The following VPS13C variants were observed in gnomAD, a reference collection of about 807,000 sequenced individuals.
VPS13C encodes the protein vacuolar protein sorting 13 homolog C.
VPS13C carries 358 observed loss-of-function variants against 456.8 expected under a neutral mutation model. The observed-to-expected ratio is 0.78, with a 90% CI of 0.72 to 0.86. The LOEUF (loss-of-function observed/expected upper bound fraction) is 0.86. VPS13C is among the 40% of genes least tolerant of loss of function. VPS13C has a pLI of 0.00. For synonymous variants in VPS13C, 1,578 were observed against 1,486.7 expected (o/e 1.06, Z -1.41); for missense variants, 4,818 against 4,385.4 (o/e 1.10, Z -2.79).
chr15:61,922,741 T>C lies in VPS13C; in HGVS notation c.6631A>G (p.Thr2211Ala). 1.3e-6 allele frequency: 2 copies of C among 1,590,502 alleles called. No homozygotes were observed. The highest frequency in any genetic ancestry group is 1.7e-6 in the Non-Finnish European group (2 of 1,172,166). ...AATGCAGCCATGATTGTCAACACAG[T>C]ATTAAGAATTATGGGTGAAATCTTT... ...IIKISPIILN[T>A]VLTIMAALSP... Residue 2211 changes from threonine (T) to alanine (A), a missense_variant, in exon 54 of 85, where the codon ACT becomes GCT. Thr to Ala is a moderately conservative substitution (Grantham distance 58). Coordinates refer to ENST00000644861, the MANE Select transcript of VPS13C (RefSeq NM_020821.3).
chr15:62,001,320 A>G (rs2046605190), intron 15 of VPS13C, among the ~76,000 whole-genome samples: 1 of 152,236 alleles, frequency 6.6e-6, no homozygotes, highest in Non-Finnish European at 1.5e-5. Flanking sequence ...TCTGACGCCA[A>G]TAACTACGCT....
chr15:62,012,562 C>T (rs2047083626), intron 11 of VPS13C, among the ~76,000 whole-genome samples: 1 of 151,866 alleles, frequency 6.6e-6, no homozygotes, highest in Non-Finnish European at 1.5e-5. Flanking sequence ...ATTGTTCTTT[C>T]TTTAATCTCT....
chr15:61,991,843 C>T lies in VPS13C; in HGVS notation c.1354-41G>A, dbSNP rs755291774. On this transcript the variant is annotated intron_variant, in intron 16 of 84. Transcript: ENST00000644861. ...TAAAAAATTTACTTTAAGAATGTTGCCCTCTTCATTTTCAGGTGTAGCCTG... is the reference window on the plus strand; with the variant it reads ...TAAAAAATTTACTTTAAGAATGTTGTCCTCTTCATTTTCAGGTGTAGCCTG... The T allele has an allele frequency of 1.8e-5, 29 of 1,588,202 alleles. No individual in the cohort carries two copies. The South Asian group carries it at 2.5e-4, about 14-fold the overall frequency.
At chr15:61,959,993 A>G (rs886552144) in intron 35 of VPS13C, among the ~76,000 whole-genome samples, 2 of 152,184 alleles carry the variant, frequency 1.3e-5, no homozygotes, top group African/African-American at 2.4e-5. Context: ...GGCATTTCAT[A>G]AAGGTTTTCT....
At chr15:61,924,644 T>A (rs1187921565) in intron 53 of VPS13C, among the ~76,000 whole-genome samples, 1 of 152,168 alleles carries the variant, frequency 6.6e-6, no homozygotes, top group Non-Finnish European at 1.5e-5. Context: ...TAAAAGTAAA[T>A]CCATTAACAA....
At chr15:62,037,814 C>G (rs1384988883) in intron 3 of VPS13C, among the ~76,000 whole-genome samples, 1 of 151,862 alleles carries the variant, frequency 6.6e-6, no homozygotes, top group Non-Finnish European at 1.5e-5. Flanking sequence ...CACATTCAGC[C>G]CTATCTAAAA....
intron 16 of VPS13C, among the ~76,000 whole-genome samples, chr15:61,999,345 A>G (rs192238113): frequency 2.6e-5 from 4 of 151,098 alleles, no homozygotes; most frequent in Non-Finnish European, 5.9e-5. Flanking sequence ...GCGCCACTGC[A>G]CTCCAGCCTG....
Position 61,917,323 on chromosome 15 carries a change from A to G in VPS13C, c.8055+18T>C. On this transcript the variant is annotated intron_variant, in intron 60 of 84. Coordinates refer to ENST00000644861, the MANE Select transcript of VPS13C (RefSeq NM_020821.3). The stretch of plus-strand genomic sequence containing the variant: ...CTCTGTGCAACAACAAAAATCAAAC[A>G]AAATGCAAGAGACATACCTCAAGTA... The G allele has an allele frequency of 1.2e-6, 2 of 1,602,996 alleles. No homozygotes were observed. Among genetic ancestry groups the G allele is most frequent in the Non-Finnish European group, 1.7e-6 (2 of 1,173,088 alleles).
chr15:61,922,521 T>C lies in VPS13C; in HGVS notation c.6851A>G (p.Gln2284Arg). 6.2e-7 allele frequency: 1 copy of C among 1,614,088 alleles called. No individual in the cohort carries two copies. Among genetic ancestry groups the C allele is most frequent in the South Asian group, 1.1e-5 (1 of 91,076 alleles). Residue 2284 changes from glutamine (Q) to arginine (R), a missense_variant, in exon 54 of 85, where the codon CAA (glutamine) becomes CGA (arginine). By Grantham distance (43) the Gln-to-Arg change is conservative. Around this residue, in one of 3 missense-constraint regions of VPS13C, gnomAD observed 4,552 missense variants for 4,130.6 expected, o/e 1.10. Coordinates refer to ENST00000644861, the MANE Select transcript of VPS13C (RefSeq NM_020821.3). ...ENCGVVVESIQVTLECGLGHR... is the reference protein window; with the variant it reads ...ENCGVVVESIRVTLECGLGHR... ...TCCAAGGCCACATTCTAAGGTAACTTGAATGGATTCTACAACAACACCACA... is the reference window on the plus strand; with the variant it reads ...TCCAAGGCCACATTCTAAGGTAACTCGAATGGATTCTACAACAACACCACA...
intron 16 of VPS13C, among the ~76,000 whole-genome samples, chr15:61,998,503 G>A (rs189732452): frequency 6.6e-6 from 1 of 152,248 alleles, no homozygotes; most frequent in East Asian, 1.9e-4. Context: ...TGTTTTACAT[G>A]AATTATGAGG....
Position 62,007,292 on chromosome 15 carries a change from T to C in VPS13C, c.1290+16A>G, listed in dbSNP as rs763082586. On this transcript the variant is annotated intron_variant, in intron 15 of 84. Transcript: ENST00000644861. ...TTAGACAAATAATAGCTCTCACTAA[T>C]ATATGCAAGATATACCTGAATTTCT... 10 of 1,562,112 alleles carry C rather than the reference T, an allele frequency of 6.4e-6. No individual in the cohort carries two copies. The highest frequency in any genetic ancestry group is 1.2e-5 in the South Asian group (1 of 80,636).
At chr15:61,901,704 C>T (rs1456360425) in intron 66 of VPS13C, among the ~76,000 whole-genome samples, 7 of 151,660 alleles carry the variant, frequency 4.6e-5, no homozygotes, top group African/African-American at 7.3e-5. Context: ...GTCAGTGTGG[C>T]GATTCCTCAG....
intron 71 of VPS13C, 83 bp from the exon 72 acceptor site, chr15:61,881,037 G>A: frequency 8.8e-7 from 1 of 1,132,264 alleles, no homozygotes; most frequent in Non-Finnish European, 1.3e-6. Context: ...TCAGTGAAAA[G>A]CCACAGTTAT....
At chr15:62,021,208 G>A (rs190492141) in intron 8 of VPS13C, among the ~76,000 whole-genome samples, 14 of 151,850 alleles carry the variant, frequency 9.2e-5, no homozygotes, top group Non-Finnish European at 1.5e-4. Context: ...TATATTATGG[G>A]TGATGGAGAC....
chr15:62,004,193 T>G (rs1395497043), intron 15 of VPS13C, among the ~76,000 whole-genome samples: 5 of 151,636 alleles, frequency 3.3e-5, no homozygotes, highest in Non-Finnish European at 7.4e-5. Flanking sequence ...TGCCACAATT[T>G]CAGATCCTGT....
intron 61 of VPS13C, 87 bp downstream of exon 61, chr15:61,915,546 A>G (rs1387663175): frequency 2.2e-6 from 3 of 1,349,476 alleles, no homozygotes; most frequent in Non-Finnish European, 2.0e-6. Flanking sequence ...CAAATAGGTT[A>G]GCATGGTTTT....
At chr15:61,950,562 A>AC (rs2044753181) in intron 40 of VPS13C, 145 bp from the exon 41 acceptor site, 2 of 689,596 alleles carry the variant, frequency 2.9e-6, no homozygotes, top group Non-Finnish European at 4.7e-6. Flanking sequence ...ATTCAAAAAA[A>AC]AAAAACAAAA....
At position 61,868,793 on chromosome 15, in the gene VPS13C, A is replaced by G; in HGVS notation, c.10749-20T>C. The G allele has an allele frequency of 2.5e-6, 4 of 1,580,250 alleles. No homozygotes were observed. Among genetic ancestry groups the G allele is most frequent in the Non-Finnish European group, 3.5e-6 (4 of 1,159,400 alleles). ...GCTGCCCTGAATAAGGCATCAGAGT[A>G]AGTGTAAGAAAATACGTGAGAGTCT... is the stretch of plus-strand genomic sequence containing the variant. On this transcript the variant is annotated intron_variant, in intron 80 of 84. Transcript: ENST00000644861.
chr15:61,925,994 A>T (rs566624617), intron 52 of VPS13C, among the ~76,000 whole-genome samples: 11 of 152,238 alleles, frequency 7.2e-5, no homozygotes, highest in African/African-American at 2.7e-4. Flanking sequence ...ATAAAAGTCA[A>T]TTCATCAAAT....
Sources: allele counts gnomAD v4.1 joint callset (sites outside exome capture counted in the v4.1 genomes callset), GRCh38; gene constraint gnomAD v4.1.1; regional missense constraint gnomAD v4.1.1; transcripts MANE v1.5; gene names NCBI Gene and HGNC (gene_info 2026-07-23, HGNC 2026-07-21).